Variants in EBF3 observed in about 807,000 individuals in gnomAD.
The protein encoded by EBF3 is EBF transcription factor 3.
In EBF3, 18 loss-of-function variants were observed where a neutral mutation model predicts 77.1. The observed-to-expected ratio is 0.23, with a 90% CI of 0.16 to 0.35. The LOEUF (loss-of-function observed/expected upper bound fraction) is 0.35. EBF3 is among the 10% of genes least tolerant of loss of function. The pLI, the probability that EBF3 is intolerant of heterozygous loss-of-function variation, is 1.00. For synonymous variants in EBF3, 350 were observed against 343.5 expected, an observed-to-expected ratio of 1.02 and a Z score of -0.21; for missense variants, 558 against 860.0, an observed-to-expected ratio of 0.65 and a Z score of 4.39.
intron 15 of EBF3, among the ~76,000 whole-genome samples, chr10:129,839,565 C>T (rs572486598): frequency 1.3e-5 from 2 of 152,294 alleles, no homozygotes; most frequent in African/African-American, 4.8e-5. Flanking sequence ...AAAGAGATCA[C>T]GTAGGAAAAT....
chr10:129,924,430 C>CAAAAAAA (rs956215243), intron 6 of EBF3, among the ~76,000 whole-genome samples: 24 of 108,376 alleles, frequency 2.2e-4, no homozygotes, highest in East Asian at 8.5e-4. Flanking sequence ...ACAACAACAA[C>CAAAAAAA]AAAAAAAAAA....
chr10:129,961,211 C>G (rs2134642078), intron 4 of EBF3, among the ~76,000 whole-genome samples: 1 of 152,320 alleles, frequency 6.6e-6, no homozygotes, highest in South Asian at 2.1e-4. Context: ...ACCGAAGAAG[C>G]CACTTTCATT....
chr10:129,930,391 T>A (rs1213488476), intron 6 of EBF3, among the ~76,000 whole-genome samples: 2 of 151,426 alleles, frequency 1.3e-5, no homozygotes, highest in Non-Finnish European at 2.9e-5. Context: ...TACCTATATC[T>A]ATACCTGTCT....
intron 4 of EBF3, among the ~76,000 whole-genome samples, chr10:129,959,491 G>A (rs1589964041): frequency 6.6e-6 from 1 of 152,222 alleles, no homozygotes; most frequent in Non-Finnish European, 1.5e-5. Flanking sequence ...AAAGAAGCAG[G>A]GAAGGATGGT....
intron 6 of EBF3, among the ~76,000 whole-genome samples, chr10:129,927,495 C>G (rs1308964004): frequency 6.6e-6 from 1 of 152,194 alleles, no homozygotes; most frequent in Non-Finnish European, 1.5e-5. Flanking sequence ...TAAGCCAACA[C>G]GTGGCCCCAC....
chr10:129,852,581 T>C (rs1334051321), intron 10 of EBF3, among the ~76,000 whole-genome samples: 2 of 152,254 alleles, frequency 1.3e-5, no homozygotes, highest in African/African-American at 4.8e-5. Flanking sequence ...TGAGTTCATG[T>C]TGATCTCTAA....
chr10:129,922,419 C>G (rs977799374), intron 6 of EBF3, among the ~76,000 whole-genome samples: 5 of 152,360 alleles, frequency 3.3e-5, no homozygotes, highest in Admixed American at 3.3e-4. Context: ...CCGTGCCCCC[C>G]GGCCCTCAGC....
intron 6 of EBF3, among the ~76,000 whole-genome samples, chr10:129,936,852 C>G (rs1170250436): frequency 6.6e-6 from 1 of 152,126 alleles, no homozygotes; most frequent in East Asian, 1.9e-4. Context: ...ACAACCAAGT[C>G]CCCCACAGGG....
chr10:129,956,775 A>G (rs1298149832), intron 6 of EBF3, among the ~76,000 whole-genome samples: 1 of 152,232 alleles, frequency 6.6e-6, no homozygotes, highest in Non-Finnish European at 1.5e-5. Flanking sequence ...GACAGCTACA[A>G]TTGGAAAAAA....
Position 129,873,440 on chromosome 10 carries a change from A to C in EBF3, c.781+12T>G. On this transcript the variant is annotated intron_variant, in intron 8 of 16. Transcript: ENST00000440978. ...CATCGCAAATAAAAAAAGACATGTA[A>C]CATGTGCCTACCATTTTCCAGATAA... 6.6e-7 allele frequency: 1 copy of C among 1,515,410 alleles called. No individual in the cohort carries two copies. The highest frequency in any genetic ancestry group is 8.9e-7 in the Non-Finnish European group (1 of 1,128,974). 93.9% of individuals were successfully genotyped at this position (1,515,410 alleles called of 1,614,324 possible).
In EBF3 at chr10:129,885,490, C is replaced by A. The variant is rs1853509152; in HGVS notation, c.555-7641G>T. 6.6e-6 allele frequency among the ~76,000 whole-genome samples: 1 copy of A among 152,198 alleles called. No homozygotes were observed. Among genetic ancestry groups the A allele is most frequent in the South Asian group, 2.1e-4 (1 of 4,818 alleles). On this transcript the variant is annotated intron_variant, in intron 6 of 16. Transcript: ENST00000440978. This position sits in a 1 kb window ranked among gnomAD's most constrained non-coding sequence, Gnocchi z 4.0. ...TTCATGATAGTTTTGATAAGGTTATCTGTTTCAAAGAAGTCAACTGCACAA... is the reference window on the plus strand; with the variant it reads ...TTCATGATAGTTTTGATAAGGTTATATGTTTCAAAGAAGTCAACTGCACAA...
chr10:129,915,784 G>T lies in EBF3; in HGVS notation c.555-37935C>A, dbSNP rs182143444. The stretch of plus-strand genomic sequence containing the variant: ...GCTTGTGCTTTTTCCGTTTTGTCTA[G>T]AAATTTGGGTTGCACTAAATTCTCA... On this transcript the variant is annotated intron_variant, in intron 6 of 16. Transcript: ENST00000440978. 3.3e-3 allele frequency among the ~76,000 whole-genome samples: 507 copies of T among 152,308 alleles called. 4 individuals are homozygous for T. The highest frequency in any genetic ancestry group is 0.011 in the African/African-American group (448 of 41,556).
At chr10:129,840,207 G>C (rs535640470) in intron 15 of EBF3, 38 bp downstream of exon 15, 14 of 1,516,380 alleles carry the variant, frequency 9.2e-6, no homozygotes, top group Middle Eastern at 2.3e-4. Context: ...CCCCTGGAGA[G>C]GACCCAGCAC....
chr10:129,853,582 A>G (rs1048681685), intron 10 of EBF3, among the ~76,000 whole-genome samples: 10 of 152,346 alleles, frequency 6.6e-5, no homozygotes, highest in Admixed American at 4.6e-4. Context: ...AATGCGCCTC[A>G]ATTAAGGCAA....
rs1357307576 is a variant in EBF3, at chr10:129,909,955, G to A, written c.555-32106C>T. Among the ~76,000 whole-genome samples the A allele has an allele frequency of 7.9e-5, 12 of 152,354 alleles. No individual in the cohort carries two copies. In the South Asian group the frequency reaches 2.5e-3, roughly 32 times the overall value. On this transcript the variant is annotated intron_variant, in intron 6 of 16. Coordinates refer to ENST00000440978, the MANE Select transcript of EBF3 (RefSeq NM_001375380.1). ...AAAGTTAATGGGGGATTCAGGCAGG[G>A]AGCGTTTACCTCCTCACTGTCAGGG...
chr10:129,887,695 C>T (rs1215935963), intron 6 of EBF3, among the ~76,000 whole-genome samples: 1 of 152,002 alleles, frequency 6.6e-6, no homozygotes, highest in Non-Finnish European at 1.5e-5. Flanking sequence ...ATTACAGGGC[C>T]CTGCACAACC....
rs1859754205 is a variant in EBF3 at position 129,964,162 on chromosome 10, G to A, written c.-394C>T. On this transcript the variant is annotated 5_prime_UTR_variant, in exon 1 of 17. Transcript: ENST00000440978. This position sits in a 1 kb window ranked among gnomAD's most constrained non-coding sequence, Gnocchi z 4.5. ...CGCCTGCTCCAAAGACAAATAAACG[G>A]GGCAGTGAGTGCTGCGGCGCAGTCC... The A allele has an allele frequency of 1.0e-6, 1 of 984,984 alleles. No homozygotes were observed. The highest frequency in any genetic ancestry group is 1.2e-6 in the Non-Finnish European group (1 of 829,792). 61.0% of individuals were successfully genotyped at this position (984,984 alleles called of 1,614,324 possible). A position where few individuals can be genotyped will look rare whatever the true frequency, so the allele number is the denominator to read the frequency against.
chr10:129,928,846 T>C (rs1485957883), intron 6 of EBF3, among the ~76,000 whole-genome samples: 1 of 152,240 alleles, frequency 6.6e-6, no homozygotes, highest in Non-Finnish European at 1.5e-5. Context: ...TCCTGTGATG[T>C]GCTATCAGGA....
intron 14 of EBF3, 111 bp downstream of exon 14, chr10:129,840,733 C>G (rs1480172713): frequency 3.4e-6 from 5 of 1,450,586 alleles, no homozygotes; most frequent in Non-Finnish European, 4.6e-6. Flanking sequence ...CCAGGGCCAC[C>G]CTTCCTTTTA....
Sources: allele counts gnomAD v4.1 joint callset (sites outside exome capture counted in the v4.1 genomes callset), GRCh38; gene constraint gnomAD v4.1.1; non-coding constraint Gnocchi (gnomAD v3.1); transcripts MANE v1.5; gene names NCBI Gene and HGNC (gene_info 2026-07-23, HGNC 2026-07-21).